The following MOCOS variants were observed in gnomAD, a reference collection of about 807,000 sequenced individuals.
MOCOS encodes the protein molybdenum cofactor sulfurase, also known as human molybdenum cofactor sulfurase.
A neutral mutation model predicts 83.6 loss-of-function variants in MOCOS; 86 were observed. The observed-to-expected ratio is 1.03, with a 90% CI of 0.86 to 1.23. The LOEUF is 1.23. Ranked by LOEUF, MOCOS falls within the 50% of genes most tolerant of loss-of-function variation. MOCOS has a pLI of 0.00. For missense variants in MOCOS, 1,120 were observed against 1,126.9 expected (o/e 0.99, Z 0.09); for synonymous variants, 445 against 434.7 (o/e 1.02, Z -0.29).
chr18:36,232,404 GTAA>G (rs1367077923), intron 9 of MOCOS, among the ~76,000 whole-genome samples: 7 of 152,106 alleles, frequency 4.6e-5, no homozygotes, highest in Non-Finnish European at 1.0e-4. Context: ...CATACAATAT[GTAA>G]TAATAAAATC....
At chr18:36,196,541 A>G (rs981428359) in intron 2 of MOCOS, among the ~76,000 whole-genome samples, 1 of 152,130 alleles carries the variant, frequency 6.6e-6, no homozygotes, top group Non-Finnish European at 1.5e-5. Flanking sequence ...GTTATGCCAC[A>G]TTAAGGGGTT....
Position 36,251,164 on chromosome 18 carries a change from GTACT to G in MOCOS, c.2048_2051del (p.Thr683MetfsTer21). ...TTCTCTCTCTCTTTTGCCAGAGTAA[GTACT>G]TATGATTGTGGAGAAAAAATTTCAA... On this transcript the variant is annotated frameshift_variant, in exon 11 of 15. Transcript: ENST00000261326. LOFTEE classifies it high-confidence loss of function. 1 of 1,612,904 alleles carries G rather than the reference GTACT, an allele frequency of 6.2e-7. No homozygotes were observed. Among genetic ancestry groups the G allele is most frequent in the Non-Finnish European group, 8.5e-7 (1 of 1,178,954 alleles).
intron 1 of MOCOS, among the ~76,000 whole-genome samples, chr18:36,193,297 G>A (rs1199050718): frequency 6.5e-5 from 7 of 107,498 alleles, no homozygotes; most frequent in East Asian, 3.1e-4. Context: ...CGGCCTGGGC[G>A]ACAGAGCGAG....
At chr18:36,246,196 A>G (rs2091601431) in intron 9 of MOCOS, among the ~76,000 whole-genome samples, 1 of 152,062 alleles carries the variant, frequency 6.6e-6, no homozygotes, top group African/African-American at 2.4e-5. Flanking sequence ...GTGTTATAGA[A>G]CCTTGTTTTA....
At chr18:36,256,164 T>G (rs1368409381) in intron 11 of MOCOS, among the ~76,000 whole-genome samples, 1 of 152,006 alleles carries the variant, frequency 6.6e-6, no homozygotes, top group Non-Finnish European at 1.5e-5. Flanking sequence ...AGTGCTGGGA[T>G]TACAGGAGTG....
chr18:36,196,290 A>G lies in MOCOS; in HGVS notation c.232+944A>G, dbSNP rs151282487. Among the ~76,000 whole-genome samples, 345 of 152,350 alleles carry G rather than the reference A, an allele frequency of 2.3e-3. 5 individuals carry two copies. Among genetic ancestry groups the G allele is most frequent in the African/African-American group, 7.2e-3 (298 of 41,572 alleles). ...ATGAGAATAACGATAAGTAACATTT[A>G]TCAGGTACTCGCTATGAGCTTTCTC... On this transcript the variant is annotated intron_variant, in intron 2 of 14. Coordinates refer to ENST00000261326, the MANE Select transcript of MOCOS (RefSeq NM_017947.4).
chr18:36,219,950 T>A, intron 8 of MOCOS, 105 bp from the exon 9 acceptor site: 2 of 1,384,394 alleles, frequency 1.4e-6, no homozygotes, highest in Non-Finnish European at 2.1e-6. Context: ...CCAGTGTAGG[T>A]GCTGAATTCA....
chr18:36,215,902 C>A lies in MOCOS; in HGVS notation c.1722C>A (p.Val574=), dbSNP rs773100195. The A allele has an allele frequency of 1.2e-6, 2 of 1,613,938 alleles. No homozygotes were observed. Among genetic ancestry groups the A allele is most frequent in the East Asian group, 4.5e-5 (2 of 44,888 alleles). ...QPTPSEKAAG[V]LEGALGPHVV... is the part of the protein sequence containing the mutation. ...CTCCTTCAGAGAAAGCTGCAGGAGT[C>A]CTGGAGGGGGCCCTTGGGCCACATG... Residue 574 remains valine (V), a synonymous_variant, in exon 8 of 15, where the codon GTC becomes GTA. Transcript: ENST00000261326.
At chr18:36,209,328 G>A (rs1429952740) in intron 6 of MOCOS, among the ~76,000 whole-genome samples, 1 of 152,036 alleles carries the variant, frequency 6.6e-6, no homozygotes, top group Non-Finnish European at 1.5e-5. Context: ...ACAGGAACAT[G>A]CCACCATGCC....
intron 9 of MOCOS, among the ~76,000 whole-genome samples, chr18:36,235,029 C>A (rs1365030566): frequency 6.6e-6 from 1 of 152,094 alleles, no homozygotes; most frequent in East Asian, 1.9e-4. Context: ...GGATACAGAG[C>A]CACACCATAT....
At chr18:36,221,691 A>AT (rs1427291370) in intron 9 of MOCOS, among the ~76,000 whole-genome samples, 1 of 146,250 alleles carries the variant, frequency 6.8e-6, no homozygotes, top group South Asian at 2.1e-4. Context: ...GGCCAGTGTT[A>AT]TTACTAGAGT....
At chr18:36,198,317 A>G (rs1280770031) in intron 2 of MOCOS, among the ~76,000 whole-genome samples, 1 of 152,170 alleles carries the variant, frequency 6.6e-6, no homozygotes, top group East Asian at 1.9e-4. Context: ...TGAGCCCAGG[A>G]GTTTGAGGCT....
Position 36,210,850 on chromosome 18 carries a change from C to CAAAAAAAAA in MOCOS, c.1219-2494_1219-2486dup, listed in dbSNP as rs60856965. On this transcript the variant is annotated intron_variant, in intron 6 of 14. Coordinates refer to ENST00000261326, the MANE Select transcript of MOCOS (RefSeq NM_017947.4). ...TGGGTGACAGAGCAAGACTCTGTCT[C>CAAAAAAAAA]AAAAAAAAAAAAAAAAAAAAAAAAA... is the stretch of plus-strand genomic sequence containing the variant. 5.1e-3 allele frequency among the ~76,000 whole-genome samples: 243 copies of CAAAAAAAAA among 48,060 alleles called. 38 individuals are homozygous for CAAAAAAAAA. The highest frequency in any genetic ancestry group is 0.012 in the African/African-American group (128 of 10,920). The allele number at this position is 48,060 out of a possible 152,430, so 31.5% of individuals were successfully genotyped here.
chr18:36,227,294 T>A (rs193270979), intron 9 of MOCOS, among the ~76,000 whole-genome samples: 1 of 152,272 alleles, frequency 6.6e-6, no homozygotes, highest in Admixed American at 6.5e-5. Flanking sequence ...TGCAGTGACA[T>A]GATCATAGCT....
intron 3 of MOCOS, among the ~76,000 whole-genome samples, chr18:36,199,351 C>A (rs1479068869): frequency 6.6e-6 from 1 of 152,190 alleles, no homozygotes; most frequent in Non-Finnish European, 1.5e-5. Context: ...GCAATGTAAA[C>A]AGGTTGATTA....
At chr18:36,188,760 G>A (rs947897744) in intron 1 of MOCOS, among the ~76,000 whole-genome samples, 1 of 152,078 alleles carries the variant, frequency 6.6e-6, no homozygotes, top group African/African-American at 2.4e-5. Context: ...GGGGCTGTGA[G>A]AACTGTGGCC....
chr18:36,224,962 AT>A (rs1298371029), intron 9 of MOCOS, among the ~76,000 whole-genome samples: 1 of 151,988 alleles, frequency 6.6e-6, no homozygotes, highest in Non-Finnish European at 1.5e-5. Context: ...CTCAGGCTTT[AT>A]TTTGTTCATG....
chr18:36,191,849 T>G (rs60423172), intron 1 of MOCOS, among the ~76,000 whole-genome samples: 22,367 of 152,228 alleles, frequency 0.15, 1,857 homozygotes, highest in East Asian at 0.31. Flanking sequence ...TCTTCTATTT[T>G]GTTCATTGCT....
chr18:36,265,366 C>A lies in MOCOS; in HGVS notation c.2410-1383C>A, dbSNP rs937610454. On this transcript the variant is annotated intron_variant, in intron 13 of 14. Coordinates refer to ENST00000261326, the MANE Select transcript of MOCOS (RefSeq NM_017947.4). ...ACTCCCTGCCTTCGTGCCATCCTGG[C>A]TCCAATTTCTTCGGGTCTAATCAGT... 3.3e-5 allele frequency among the ~76,000 whole-genome samples: 5 copies of A among 152,220 alleles called. 1 individual carries two copies. In the South Asian group the frequency reaches 1.0e-3, roughly 32 times the overall value.
Sources: gnomAD v4.1 joint callset for allele counts (sites outside exome capture counted in the v4.1 genomes callset) on GRCh38, gnomAD v4.1.1 for gene constraint, MANE v1.5 for transcripts, NCBI Gene and HGNC (gene_info 2026-07-23, HGNC 2026-07-21) for gene names.